The following ZBTB26 variants were observed in gnomAD, a reference collection of about 807,000 sequenced individuals.
ZBTB26 encodes zinc finger and BTB domain containing 26, also known as zinc finger and BTB domain-containing protein 26.
In ZBTB26, 12 loss-of-function variants were observed where a neutral mutation model predicts 31.6. The ratio of observed to expected loss-of-function variants is 0.38; its 90% CI spans 0.24 to 0.61. ZBTB26 has a LOEUF of 0.61. Among genes scored for constraint, ZBTB26 ranks in the 20% least tolerant of loss-of-function variants. The pLI, the probability that ZBTB26 is intolerant of heterozygous loss-of-function variation, is 0.60. For synonymous variants in ZBTB26, 155 were observed against 182.9 expected, an observed-to-expected ratio of 0.85 and a Z score of 1.23; for missense variants, 311 against 521.9, an observed-to-expected ratio of 0.60 and a Z score of 3.94.
chr9:122,920,745 C>T (rs79037258), intron 1 of ZBTB26, among the ~76,000 whole-genome samples: 436 of 152,282 alleles, frequency 2.9e-3, no homozygotes, highest in African/African-American at 7.3e-3. Context: ...TGTAGAAAAA[C>T]GACATGAGCT....
rs1318983584 is a variant in ZBTB26 at position 122,917,328 on chromosome 9, T to G, written c.*1281A>C. 6.6e-6 allele frequency: 1 copy of G among 152,160 alleles called. No homozygotes were observed. Among genetic ancestry groups the G allele is most frequent in the African/African-American group, 2.4e-5 (1 of 41,432 alleles). The allele number at this position is 152,160 out of a possible 1,614,324, so 9.4% of individuals were successfully genotyped here. On this transcript the variant is annotated 3_prime_UTR_variant, in exon 2 of 2. Transcript: ENST00000373656. ...CTCTTCAGGCTTTGGATACCCCAAT[T>G]TAAAATGAAAGAGGTGGAGTAAATG... is the stretch of plus-strand genomic sequence containing the variant.
intron 1 of ZBTB26, among the ~76,000 whole-genome samples, chr9:122,925,519 T>G (rs1351782655): frequency 6.6e-6 from 1 of 152,186 alleles, no homozygotes; most frequent in Non-Finnish European, 1.5e-5. Flanking sequence ...GTTGAAAGTG[T>G]TAAGTGTTAG....
At chr9:122,920,792 A>C (rs975170574) in intron 1 of ZBTB26, among the ~76,000 whole-genome samples, 3 of 152,250 alleles carry the variant, frequency 2.0e-5, no homozygotes, top group Non-Finnish European at 4.4e-5. Context: ...ACATAGATCG[A>C]ATCAATCCCT....
At chr9:122,926,050 C>A (rs978116264) in intron 1 of ZBTB26, among the ~76,000 whole-genome samples, 12 of 151,998 alleles carry the variant, frequency 7.9e-5, no homozygotes, top group Non-Finnish European at 1.0e-4. Context: ...TGAGCCACTG[C>A]GCCAGGCCTA....
chr9:122,919,162 A>G lies in ZBTB26; in HGVS notation c.773T>C (p.Phe258Ser), dbSNP rs755814662. The change falls in exon 2 of 2, where the codon TTT (phenylalanine) becomes TCT (serine). Residue 258 changes from phenylalanine (F) to serine (S), a missense_variant. Phe to Ser is a radical substitution (Grantham distance 155, BLOSUM62 -2). This residue lies in a region of ZBTB26 where 207 missense variants were observed against 298.6 expected (regional missense o/e 0.69). Coordinates refer to ENST00000373656, the MANE Select transcript of ZBTB26 (RefSeq NM_020924.4). This position sits in a 1 kb window ranked among gnomAD's most constrained non-coding sequence, Gnocchi z 6.1. ...DNIIMASKDV[F>S]GPNIRGVDKG... Reference sequence around the variant, plus strand: ...GTCTACACCTCGAATATTAGGGCCAAAGACATCTTTTGAGGCCATGATGAT... The same window carrying G: ...GTCTACACCTCGAATATTAGGGCCAGAGACATCTTTTGAGGCCATGATGAT... 4.3e-6 allele frequency: 7 copies of G among 1,614,090 alleles called. No individual in the cohort carries two copies. Among genetic ancestry groups the G allele is most frequent in the Non-Finnish European group, 5.9e-6 (7 of 1,180,026 alleles).
chr9:122,928,093 C>G (rs1319386203), intron 1 of ZBTB26, among the ~76,000 whole-genome samples: 1 of 152,178 alleles, frequency 6.6e-6, no homozygotes, highest in African/African-American at 2.4e-5. Context: ...CCTCGGCCTC[C>G]CAATGTGCTG....
intron 1 of ZBTB26, 172 bp downstream of exon 1, chr9:122,931,265 G>A (rs1424301167): frequency 6.5e-6 from 1 of 153,190 alleles, no homozygotes; most frequent in Non-Finnish European, 1.5e-5. Context: ...GGAAGGGAAA[G>A]GGGCGGGGCG....
In ZBTB26 at chr9:122,919,376, A is replaced by T; in HGVS notation, c.559T>A (p.Ser187Thr). 6.2e-7 allele frequency: 1 copy of T among 1,614,182 alleles called. No homozygotes were observed. The stretch of plus-strand genomic sequence containing the variant: ...CTAACCTCTGATACATCCCCAATAG[A>T]TTCTACCTTAACAATCTGAATATCA... Reference protein sequence around the residue: ...DSDIQIVKVESIGDVSEVRSK... With the variant: ...DSDIQIVKVETIGDVSEVRSK... Residue 187 changes from serine (S) to threonine (T), a missense_variant, in exon 2 of 2, where the codon TCT becomes ACT. Physicochemically the swap from Ser to Thr is moderately conservative, Grantham distance 58. Transcript: ENST00000373656. The surrounding 1 kb of genome is among the most constrained non-coding windows in gnomAD (Gnocchi z 6.1).
At chr9:122,920,037 A>C in intron 1 of ZBTB26, 93 bp from the exon 2 acceptor site, 1 of 1,386,422 alleles carries the variant, frequency 7.2e-7, no homozygotes, top group South Asian at 1.5e-5. Context: ...CTGTGTTGTC[A>C]TATCTGTTTT....
At position 122,918,007 on chromosome 9, in the gene ZBTB26, A is replaced by G. The variant is rs1833037620; in HGVS notation, c.*602T>C. 1 of 153,032 alleles carries G rather than the reference A, an allele frequency of 6.5e-6. No individual in the cohort carries two copies. Among genetic ancestry groups the G allele is most frequent in the Non-Finnish European group, 1.5e-5 (1 of 68,766 alleles). 9.5% of individuals were successfully genotyped at this position (153,032 alleles called of 1,614,324 possible). A position where few individuals can be genotyped will look rare whatever the true frequency, so the allele number is the denominator to read the frequency against. On this transcript the variant is annotated 3_prime_UTR_variant, in exon 2 of 2. Coordinates refer to ENST00000373656, the MANE Select transcript of ZBTB26 (RefSeq NM_020924.4). ...TACTCTGGTATATGTGAACAATTCA[A>G]TGAGATGAAGTTGGGCTATGATACT... is the stretch of plus-strand genomic sequence containing the variant.
chr9:122,915,883 CT>C lies in ZBTB26; in HGVS notation c.*2725del, dbSNP rs1833012069. On this transcript the variant is annotated 3_prime_UTR_variant, in exon 2 of 2. Transcript: ENST00000373656. ...CCAAACTATGGTAGAGAGTCATCTC[CT>C]TTTTAGTTCTCCTGGGGATCCATAA... 1 of 152,146 alleles carries C rather than the reference CT, an allele frequency of 6.6e-6. No homozygotes were observed. Among genetic ancestry groups the C allele is most frequent in the African/African-American group, 2.4e-5 (1 of 41,418 alleles). 9.4% of individuals were successfully genotyped at this position (152,146 alleles called of 1,614,324 possible). A position where few individuals can be genotyped will look rare whatever the true frequency, so the allele number is the denominator to read the frequency against.
chr9:122,930,416 A>AT (rs1233039101), intron 1 of ZBTB26, among the ~76,000 whole-genome samples: 1 of 152,106 alleles, frequency 6.6e-6, no homozygotes, highest in Non-Finnish European at 1.5e-5. Context: ...TATTTCAGGA[A>AT]TTTTTTGCCT....
chr9:122,925,910 G>A (rs1158542238), intron 1 of ZBTB26, among the ~76,000 whole-genome samples: 7 of 151,956 alleles, frequency 4.6e-5, no homozygotes, highest in East Asian at 1.9e-4. Flanking sequence ...ACAGGCAGGC[G>A]CCACCACGCC....
chr9:122,921,410 G>T (rs540163635), intron 1 of ZBTB26, among the ~76,000 whole-genome samples: 4 of 152,184 alleles, frequency 2.6e-5, no homozygotes, highest in Non-Finnish European at 5.9e-5. Context: ...GAAATTCACT[G>T]AATTTTATGT....
intron 1 of ZBTB26, 121 bp downstream of exon 1, chr9:122,931,316 C>T (rs534071506): frequency 1.3e-5 from 2 of 152,730 alleles, no homozygotes; most frequent in Non-Finnish European, 2.9e-5. Context: ...TCCCCAGGGG[C>T]CTAGGCCAGC....
At chr9:122,920,986 T>A (rs1446368875) in intron 1 of ZBTB26, among the ~76,000 whole-genome samples, 1 of 152,206 alleles carries the variant, frequency 6.6e-6, no homozygotes, top group Non-Finnish European at 1.5e-5. Context: ...CTAAACTCCT[T>A]CAGTGACTTC....
chr9:122,927,519 T>G (rs2131541567), intron 1 of ZBTB26, among the ~76,000 whole-genome samples: 1 of 152,300 alleles, frequency 6.6e-6, no homozygotes, highest in Non-Finnish European at 1.5e-5. Context: ...AACTTACCAC[T>G]CAAAACTACT....
chr9:122,930,851 A>G (rs1314283709), intron 1 of ZBTB26, among the ~76,000 whole-genome samples: 1 of 152,220 alleles, frequency 6.6e-6, no homozygotes, highest in Admixed American at 6.5e-5. Flanking sequence ...CGGCCCCTTG[A>G]GCAATTAACA....
At chr9:122,929,767 A>G (rs1833237850) in intron 1 of ZBTB26, among the ~76,000 whole-genome samples, 1 of 152,146 alleles carries the variant, frequency 6.6e-6, no homozygotes, top group African/African-American at 2.4e-5. Flanking sequence ...TCACCTCATC[A>G]CTGTACTAAA....
Sources: gnomAD v4.1 joint callset for allele counts (sites outside exome capture counted in the v4.1 genomes callset) on GRCh38, gnomAD v4.1.1 for gene constraint, gnomAD v4.1.1 regional missense constraint, Gnocchi (gnomAD v3.1) non-coding constraint, MANE v1.5 for transcripts, NCBI Gene and HGNC (gene_info 2026-07-23, HGNC 2026-07-21) for gene names.